The following COL5A2 variants were observed in gnomAD, a reference collection of about 807,000 sequenced individuals.
COL5A2 encodes collagen type V alpha 2 chain.
Under a neutral mutation model 208.2 loss-of-function variants are expected in COL5A2, and 23 were observed. The ratio of observed to expected loss-of-function variants is 0.11; its 90% CI spans 0.08 to 0.16. The LOEUF is 0.16. Ranked by LOEUF, COL5A2 falls within the 10% of genes least tolerant of loss-of-function variation. COL5A2 has a pLI of 1.00. For missense variants in COL5A2, 1,590 were observed against 1,956.4 expected, an observed-to-expected ratio of 0.81 and a Z score of 3.53; for synonymous variants, 625 against 628.5, an observed-to-expected ratio of 0.99 and a Z score of 0.08.
intron 12 of COL5A2, among the ~76,000 whole-genome samples, chr2:189,082,793 T>C (rs990014888): frequency 3.3e-5 from 5 of 152,182 alleles, no homozygotes; most frequent in Non-Finnish European, 7.4e-5. Flanking sequence ...ACTGTGAGCA[T>C]GAGCAAGAGT....
intron 1 of COL5A2, among the ~76,000 whole-genome samples, chr2:189,146,087 G>A (rs934558955): frequency 5.3e-5 from 8 of 152,048 alleles, no homozygotes; most frequent in Non-Finnish European, 8.8e-5. Flanking sequence ...TACATTGATC[G>A]GATGAACAAT....
At chr2:189,394,652 A>G in the COL5A2 span, among the ~76,000 whole-genome samples, 1 of 152,242 alleles carries the variant, frequency 6.6e-6, no homozygotes, top group Non-Finnish European at 1.5e-5. Flanking sequence ...CAGTAGCCTG[A>G]AGTGGGTAAG....
chr2:189,355,743 G>A, the COL5A2 span, among the ~76,000 whole-genome samples: 2 of 152,146 alleles, frequency 1.3e-5, no homozygotes, highest in Admixed American at 6.5e-5. Context: ...TTGCCAGTCT[G>A]TGTCTTTTAA....
In COL5A2 at chr2:189,054,179, C is replaced by G; in HGVS notation, c.2425G>C (p.Ala809Pro). ...LPGPLGPPGPAGPTGEKGEPG... is the reference protein window; with the variant it reads ...LPGPLGPPGPPGPTGEKGEPG... ...CTTACCTTTTCTCCAGTAGGACCTG[C>G]CGGACCTGGAGGGCCCAAAGGACCT... Residue 809 changes from alanine (A) to proline (P), a missense_variant, in exon 36 of 54, where the codon GCA becomes CCA. Physicochemically the swap from Ala to Pro is conservative, Grantham distance 27. Transcript: ENST00000374866. 1 of 1,614,058 alleles carries G rather than the reference C, an allele frequency of 6.2e-7. No homozygotes were observed. Among genetic ancestry groups the G allele is most frequent in the Non-Finnish European group, 8.5e-7 (1 of 1,179,952 alleles).
chr2:189,251,898 TCAAA>T, the COL5A2 span, among the ~76,000 whole-genome samples: 1 of 151,698 alleles, frequency 6.6e-6, no homozygotes, highest in Non-Finnish European at 1.5e-5. Context: ...TACAAAGAGC[TCAAA>T]CAAATTTACA....
the COL5A2 span, among the ~76,000 whole-genome samples, chr2:189,344,551 T>C: frequency 1.3e-5 from 2 of 152,144 alleles, no homozygotes; most frequent in African/African-American, 2.4e-5. Context: ...ACAATCCACC[T>C]GCTGCAGCAA....
chr2:189,302,623 A>C, the COL5A2 span, among the ~76,000 whole-genome samples: 1 of 152,184 alleles, frequency 6.6e-6, no homozygotes, highest in Admixed American at 6.5e-5. Flanking sequence ...GTGATCAATC[A>C]AGGTCCAAAA....
At chr2:189,389,933 A>G in the COL5A2 span, among the ~76,000 whole-genome samples, 1 of 152,040 alleles carries the variant, frequency 6.6e-6, no homozygotes, top group Non-Finnish European at 1.5e-5. Flanking sequence ...CCACCAACAT[A>G]TTTTCTCTTT....
At chr2:189,040,978 A>G (rs1685548598) in intron 50 of COL5A2, among the ~76,000 whole-genome samples, 1 of 152,250 alleles carries the variant, frequency 6.6e-6, no homozygotes, top group Admixed American at 6.5e-5. Context: ...GTAAAGACCA[A>G]TGAGGAAGAA....
At chr2:189,392,260 A>T in the COL5A2 span, among the ~76,000 whole-genome samples, 15 of 152,118 alleles carry the variant, frequency 9.9e-5, no homozygotes, top group Admixed American at 3.9e-4. Flanking sequence ...GAGTACCTTT[A>T]CAATGTTGTT....
At chr2:189,238,595 G>A in the COL5A2 span, among the ~76,000 whole-genome samples, 7 of 152,096 alleles carry the variant, frequency 4.6e-5, no homozygotes, top group African/African-American at 1.7e-4. Flanking sequence ...AAGGAAATAG[G>A]TTTAACTGAC....
chr2:189,070,388 A>G (rs1686246118), intron 18 of COL5A2, among the ~76,000 whole-genome samples: 1 of 152,244 alleles, frequency 6.6e-6, no homozygotes, highest in Non-Finnish European at 1.5e-5. Context: ...GTCAGAGAGC[A>G]GAGACCATGG....
chr2:189,118,282 T>C (rs1408776708), intron 1 of COL5A2, among the ~76,000 whole-genome samples: 1 of 152,024 alleles, frequency 6.6e-6, no homozygotes, highest in Non-Finnish European at 1.5e-5. Context: ...TGAAAATAAT[T>C]ATTATTGTAT....
the COL5A2 span, among the ~76,000 whole-genome samples, chr2:189,426,733 G>A: frequency 6.6e-6 from 1 of 152,230 alleles, no homozygotes; most frequent in East Asian, 1.9e-4. Context: ...GCTGTATTGT[G>A]CCCTGCTCTA....
chr2:189,381,459 A>G, the COL5A2 span, among the ~76,000 whole-genome samples: 1 of 152,052 alleles, frequency 6.6e-6, no homozygotes, highest in South Asian at 2.1e-4. Flanking sequence ...CAATGTCTGG[A>G]AAGATGTTCT....
At chr2:189,136,492 C>A (rs1205667019) in intron 1 of COL5A2, among the ~76,000 whole-genome samples, 1 of 129,408 alleles carries the variant, frequency 7.7e-6, no homozygotes, top group Non-Finnish European at 1.6e-5. Flanking sequence ...CATTTGGCAT[C>A]TGTATATTTT....
the COL5A2 span, among the ~76,000 whole-genome samples, chr2:189,436,360 G>A: frequency 1.3e-5 from 2 of 152,116 alleles, no homozygotes; most frequent in African/African-American, 4.8e-5. Context: ...CCTACAGAAT[G>A]GGAGGTGCCT....
the COL5A2 span, among the ~76,000 whole-genome samples, chr2:189,266,262 C>T: frequency 6.6e-6 from 1 of 152,070 alleles, no homozygotes; most frequent in South Asian, 2.1e-4. Context: ...CCTGTCTCTA[C>T]TAAAAATACA....
At chr2:189,353,744 T>C in the COL5A2 span, among the ~76,000 whole-genome samples, 5 of 152,188 alleles carry the variant, frequency 3.3e-5, no homozygotes, top group Non-Finnish European at 7.4e-5. Flanking sequence ...ACAGGGACAA[T>C]TGGACTTCCT....
Sources: gnomAD v4.1 joint callset for allele counts (sites outside exome capture counted in the v4.1 genomes callset) on GRCh38, gnomAD v4.1.1 for gene constraint, MANE v1.5 for transcripts, NCBI Gene and HGNC (gene_info 2026-07-23, HGNC 2026-07-21) for gene names.